Variants in TOGARAM1 observed in about 807,000 individuals in gnomAD.
TOGARAM1 encodes TOG array regulator of axonemal microtubules 1, also known as TOG array regulator of axonemal microtubules protein 1.
A neutral mutation model predicts 166.6 loss-of-function variants in TOGARAM1; 100 were observed. That is an observed-to-expected ratio of 0.60 (90% CI 0.51 to 0.71). The LOEUF is 0.71. TOGARAM1 is among the 30% of genes least tolerant of loss of function. The pLI is 0.00. For synonymous variants in TOGARAM1, 758 were observed against 763.8 expected (o/e 0.99, Z 0.13); for missense variants, 2,029 against 2,102.7 (o/e 0.96, Z 0.69).
At chr14:44,965,643 GCTGT>G in intron 1 of TOGARAM1, among the ~76,000 whole-genome samples, 1 of 152,228 alleles carries the variant, frequency 6.6e-6, no homozygotes, top group East Asian at 1.9e-4. Flanking sequence ...ATGATATCAG[GCTGT>G]CCCATCACTG....
In TOGARAM1 at chr14:44,974,603, G is replaced by A. The variant is rs1594610054; in HGVS notation, c.2046+10136G>A. On this transcript the variant is annotated intron_variant, in intron 1 of 19. Coordinates refer to ENST00000361462, the MANE Select transcript of TOGARAM1 (RefSeq NM_001308120.2). Reference sequence around the variant, plus strand: ...ACATAATGTAAGTAAAAGGAACTGTGGTAAATAGTTTTTTAGTAATATACT... The same window carrying A: ...ACATAATGTAAGTAAAAGGAACTGTAGTAAATAGTTTTTTAGTAATATACT... Among the ~76,000 whole-genome samples the A allele has an allele frequency of 2.6e-5, 4 of 152,032 alleles. No individual in the cohort carries two copies. In the East Asian group the frequency reaches 5.8e-4, roughly 22 times the overall value.
Position 45,044,745 on chromosome 14 carries a change from T to C in TOGARAM1, c.4029T>C (p.Val1343=). 1 of 1,614,080 alleles carries C rather than the reference T, an allele frequency of 6.2e-7. No individual in the cohort carries two copies. The highest frequency in any genetic ancestry group is 1.7e-5 in the Admixed American group (1 of 60,014). ...MDQELDTTVK[V]LLHKAGESNT... is the part of the protein sequence containing the mutation. ...AAGAGCTAGATACCACAGTAAAAGT[T>C]TTGTTGCACAAGGCTGGTGAATCAA... Residue 1343 remains valine, a synonymous_variant, in exon 13 of 20, where the codon GTT becomes GTC. Transcript: ENST00000361462.
At chr14:45,055,965 C>T (rs1384004366) in intron 16 of TOGARAM1, among the ~76,000 whole-genome samples, 2 of 150,494 alleles carry the variant, frequency 1.3e-5, no homozygotes. Context: ...CTGTAGACTG[C>T]TTTTGGCAGT....
rs776141400 is a variant in TOGARAM1 at position 44,962,696 on chromosome 14, G to C, written c.275G>C (p.Gly92Ala). ...WSESGGGLSG[G>A]DEEDTRLLQL... The stretch of plus-strand genomic sequence containing the variant: ...GAGTCTGGAGGCGGTTTGTCAGGGG[G>C]AGATGAAGAGGACACTCGGCTCCTT... Residue 92 changes from glycine (G) to alanine (A), a missense_variant, in exon 1 of 20, where the codon GGA becomes GCA. Physicochemically the swap from Gly to Ala is moderately conservative, Grantham distance 60. Around this residue, in one of 2 missense-constraint regions of TOGARAM1, gnomAD observed 1,453 missense variants for 1,432.2 expected, o/e 1.01. Coordinates refer to ENST00000361462, the MANE Select transcript of TOGARAM1 (RefSeq NM_001308120.2). The C allele has an allele frequency of 8.7e-6, 14 of 1,614,178 alleles. No homozygotes were observed. In the South Asian group the frequency reaches 1.2e-4, roughly 14 times the overall value.
chr14:44,985,964 T>C (rs150148376), intron 1 of TOGARAM1, among the ~76,000 whole-genome samples: 27 of 152,346 alleles, frequency 1.8e-4, no homozygotes, highest in African/African-American at 6.3e-4. Context: ...TAGAAGCTGA[T>C]ATATTAAGCA....
intron 11 of TOGARAM1, among the ~76,000 whole-genome samples, chr14:45,039,667 G>A (rs1881624797): frequency 6.6e-6 from 1 of 152,220 alleles, no homozygotes; most frequent in South Asian, 2.1e-4. Context: ...CAAAATTGGA[G>A]GTTGTGCTGA....
chr14:45,049,584 C>T (rs1187311586), intron 14 of TOGARAM1, among the ~76,000 whole-genome samples: 3 of 151,936 alleles, frequency 2.0e-5, no homozygotes, highest in African/African-American at 4.8e-5. Flanking sequence ...TTTAAGCGCT[C>T]GTTTGATTAG....
rs1158422904 is a variant in TOGARAM1, at chr14:45,006,104, C to T, written c.2741C>T (p.Pro914Leu). 6.2e-7 allele frequency: 1 copy of T among 1,613,942 alleles called. No individual in the cohort carries two copies. The highest frequency in any genetic ancestry group is 1.3e-5 in the African/African-American group (1 of 74,910). Residue 914 changes from proline (P) to leucine (L), a missense_variant, in exon 5 of 20, where the codon CCT (proline) becomes CTT (leucine). Physicochemically the swap from Pro to Leu is moderately conservative, Grantham distance 98. Coordinates refer to ENST00000361462, the MANE Select transcript of TOGARAM1 (RefSeq NM_001308120.2). Reference protein sequence around the residue: ...RRGLNGTKPVPPIPRGISLLP... With the variant: ...RRGLNGTKPVLPIPRGISLLP... ...GGTCTAAATGGGACAAAGCCTGTTC[C>T]TCCCATACCAAGGGGAATAAGCCTT...
intron 1 of TOGARAM1, among the ~76,000 whole-genome samples, chr14:44,977,749 G>A (rs756354317): frequency 6.7e-6 from 1 of 149,770 alleles, no homozygotes; most frequent in Admixed American, 6.6e-5. Context: ...AGGGTCAAGC[G>A]ATTCTCCTGC....
chr14:44,985,726 A>G (rs1886760144), intron 1 of TOGARAM1, among the ~76,000 whole-genome samples: 1 of 152,220 alleles, frequency 6.6e-6, no homozygotes, highest in Admixed American at 6.5e-5. Context: ...ACAGGCCAGG[A>G]CCAGTAGCAG....
At chr14:45,033,028 G>A (rs569629656) in intron 11 of TOGARAM1, among the ~76,000 whole-genome samples, 1 of 152,250 alleles carries the variant, frequency 6.6e-6, no homozygotes, top group African/African-American at 2.4e-5. Flanking sequence ...GAGGTGGGCA[G>A]ATCACAAGGT....
intron 8 of TOGARAM1, among the ~76,000 whole-genome samples, chr14:45,027,010 C>T (rs1194193111): frequency 6.6e-6 from 1 of 151,372 alleles, no homozygotes; most frequent in East Asian, 1.9e-4. Flanking sequence ...TATCTCAAAA[C>T]AAACAAACAA....
At chr14:45,063,316 A>G (rs1207756310) in intron 16 of TOGARAM1, among the ~76,000 whole-genome samples, 1 of 152,112 alleles carries the variant, frequency 6.6e-6, no homozygotes, top group Non-Finnish European at 1.5e-5. Flanking sequence ...GCTGGATCAT[A>G]TGATAACTCT....
chr14:45,069,836 T>G (rs570350853), intron 18 of TOGARAM1, among the ~76,000 whole-genome samples: 1 of 152,260 alleles, frequency 6.6e-6, no homozygotes, highest in Non-Finnish European at 1.5e-5. Flanking sequence ...TACCATGGAA[T>G]ACTACTTAAT....
intron 10 of TOGARAM1, among the ~76,000 whole-genome samples, chr14:45,031,898 G>A (rs1881180135): frequency 6.6e-6 from 1 of 152,128 alleles, no homozygotes; most frequent in Admixed American, 6.5e-5. Flanking sequence ...GGTGGCTCAT[G>A]CCTGTAATCC....
chr14:45,045,561 A>G (rs374684670), intron 13 of TOGARAM1, among the ~76,000 whole-genome samples: 4,417 of 46,280 alleles, frequency 0.095, 392 homozygotes, highest in East Asian at 0.25. Context: ...ATATATATAT[A>G]TATATATATA....
chr14:45,022,323 A>G (rs571743817), intron 7 of TOGARAM1, among the ~76,000 whole-genome samples: 1 of 150,048 alleles, frequency 6.7e-6, no homozygotes, highest in Admixed American at 6.7e-5. Flanking sequence ...TAGATACTGA[A>G]ATCCCTGAGA....
intron 16 of TOGARAM1, among the ~76,000 whole-genome samples, chr14:45,060,797 ATGT>A (rs1184038410): frequency 1.3e-5 from 2 of 152,224 alleles, no homozygotes; most frequent in African/African-American, 4.8e-5. Context: ...CACAGAAGTG[ATGT>A]TGTACCCTTC....
chr14:45,046,502 T>C, intron 13 of TOGARAM1, 43 bp from the exon 14 acceptor site: 1 of 1,258,138 alleles, frequency 7.9e-7, no homozygotes, highest in South Asian at 3.6e-5. Context: ...TGGAGAATAG[T>C]TTATATAACA....
Sources: gnomAD v4.1 joint callset for allele counts (sites outside exome capture counted in the v4.1 genomes callset) on GRCh38, gnomAD v4.1.1 for gene constraint, gnomAD v4.1.1 regional missense constraint, MANE v1.5 for transcripts, NCBI Gene and HGNC (gene_info 2026-07-23, HGNC 2026-07-21) for gene names.